The following CTNNA3 variants were observed in gnomAD, a reference collection of about 807,000 sequenced individuals.
CTNNA3 encodes catenin alpha-3.
In CTNNA3, 76 loss-of-function variants were observed where a neutral mutation model predicts 95.7. That is an observed-to-expected ratio of 0.79 (90% CI 0.66 to 0.96). The LOEUF (loss-of-function observed/expected upper bound fraction) is 0.96, where lower values mean the gene tolerates loss of function less well. Ranked by LOEUF, CTNNA3 falls within the 40% of genes least tolerant of loss-of-function variation. The probability of loss-of-function intolerance (pLI) is 0.00; values close to 1 mark genes in which losing one functional copy is unlikely to be tolerated. For missense variants in CTNNA3, 1,191 were observed against 1,089.8 expected, an observed-to-expected ratio of 1.09 and a Z score of -1.31; for synonymous variants, 431 against 374.4, an observed-to-expected ratio of 1.15 and a Z score of -1.74.
chr10:66,594,240 A>G (rs1259752603), intron 10 of CTNNA3, among the ~76,000 whole-genome samples: 1 of 151,956 alleles, frequency 6.6e-6, no homozygotes, highest in Admixed American at 6.6e-5. Context: ...ACTAATTCCT[A>G]TTACCACTCT....
At chr10:66,115,111 A>AC (rs1242509265) in intron 13 of CTNNA3, among the ~76,000 whole-genome samples, 3 of 152,160 alleles carry the variant, frequency 2.0e-5, no homozygotes, top group African/African-American at 7.2e-5. Flanking sequence ...TGTCAGCAAT[A>AC]CAAAAAGGAC....
chr10:67,096,527 T>G (rs1183571802), intron 7 of CTNNA3, among the ~76,000 whole-genome samples: 1 of 151,900 alleles, frequency 6.6e-6, no homozygotes, highest in African/African-American at 2.4e-5. Context: ...CTCCAGAGAA[T>G]TCAACAGCAT....
chr10:66,455,914 A>G (rs1281821478), intron 11 of CTNNA3, among the ~76,000 whole-genome samples: 2 of 152,220 alleles, frequency 1.3e-5, no homozygotes, highest in African/African-American at 4.8e-5. Context: ...ATTTCTGCAC[A>G]ATATGAATGT....
At chr10:66,034,822 A>T (rs994850607) in intron 15 of CTNNA3, among the ~76,000 whole-genome samples, 3 of 152,340 alleles carry the variant, frequency 2.0e-5, no homozygotes, top group East Asian at 3.9e-4. Context: ...GTGGATTAAA[A>T]ATAGAAAATG....
intron 13 of CTNNA3, among the ~76,000 whole-genome samples, chr10:66,235,037 C>T (rs1478381506): frequency 6.6e-6 from 1 of 152,304 alleles, no homozygotes; most frequent in Middle Eastern, 3.4e-3. Context: ...TCAATGACCA[C>T]GTAAGCTTCG....
chr10:67,199,039 T>A (rs1405761518), intron 6 of CTNNA3, among the ~76,000 whole-genome samples: 11 of 145,432 alleles, frequency 7.6e-5, no homozygotes, highest in African/African-American at 2.8e-4. Flanking sequence ...GTAAAAAAAA[T>A]AAGGTAAAGG....
chr10:67,524,386 ACT>A (rs1333685949), intron 4 of CTNNA3, among the ~76,000 whole-genome samples: 1 of 130,224 alleles, frequency 7.7e-6, no homozygotes, highest in South Asian at 2.9e-4. Flanking sequence ...CGACAGCGAG[ACT>A]CTGTCTCAAA....
chr10:66,203,534 A>T (rs928550065), intron 13 of CTNNA3, among the ~76,000 whole-genome samples: 42 of 151,802 alleles, frequency 2.8e-4, no homozygotes, highest in African/African-American at 9.9e-4. Context: ...TTAGTGGACA[A>T]AAAAAAAGAT....
chr10:67,016,900 A>G (rs1852693647), intron 7 of CTNNA3, among the ~76,000 whole-genome samples: 1 of 152,166 alleles, frequency 6.6e-6, no homozygotes, highest in African/African-American at 2.4e-5. Flanking sequence ...AATATTTTAT[A>G]TCCTATCAAA....
intron 7 of CTNNA3, among the ~76,000 whole-genome samples, chr10:67,122,982 A>G (rs1859541271): frequency 6.6e-6 from 1 of 152,138 alleles, no homozygotes; most frequent in African/African-American, 2.4e-5. Context: ...GGAAAAAAAT[A>G]GGGCTGCAGC....
chr10:66,736,085 C>T (rs577548941), intron 9 of CTNNA3, among the ~76,000 whole-genome samples: 1 of 152,302 alleles, frequency 6.6e-6, no homozygotes, highest in East Asian at 1.9e-4. Flanking sequence ...CAGCGCCCAA[C>T]AACGACCCAG....
At chr10:66,609,618 T>C (rs1208795911) in intron 10 of CTNNA3, among the ~76,000 whole-genome samples, 1 of 151,870 alleles carries the variant, frequency 6.6e-6, no homozygotes, top group Admixed American at 6.6e-5. Context: ...CTAGCAAGGT[T>C]GCAGAGAAAA....
At chr10:66,331,351 T>C (rs1275949233) in intron 12 of CTNNA3, among the ~76,000 whole-genome samples, 27 of 117,716 alleles carry the variant, frequency 2.3e-4, no homozygotes, top group Non-Finnish European at 4.0e-4. Flanking sequence ...TGTTTTTTTT[T>C]TTTTTTTTTT....
chr10:65,964,914 TAA>T (rs1193679773), intron 17 of CTNNA3, among the ~76,000 whole-genome samples: 1 of 152,172 alleles, frequency 6.6e-6, no homozygotes, highest in Non-Finnish European at 1.5e-5. Context: ...TGTATCTATA[TAA>T]ATGTATATAT....
chr10:66,273,929 G>C (rs1466144891), intron 13 of CTNNA3, among the ~76,000 whole-genome samples: 1 of 152,066 alleles, frequency 6.6e-6, no homozygotes, highest in African/African-American at 2.4e-5. Context: ...AGTCATTCTA[G>C]GTGGTCGTGT....
At chr10:67,436,073 A>C (rs1267020429) in intron 5 of CTNNA3, among the ~76,000 whole-genome samples, 2 of 152,156 alleles carry the variant, frequency 1.3e-5, no homozygotes, top group Non-Finnish European at 2.9e-5. Flanking sequence ...ATTTCAAACT[A>C]TACTATAAGG....
chr10:67,724,017 T>C (rs2133621565), intron 1 of CTNNA3, among the ~76,000 whole-genome samples: 1 of 152,268 alleles, frequency 6.6e-6, no homozygotes, highest in African/African-American at 2.4e-5. Flanking sequence ...CTAACGGACA[T>C]TCAACACAAT....
intron 1 of CTNNA3, among the ~76,000 whole-genome samples, chr10:67,649,160 A>G (rs1271394732): frequency 1.3e-5 from 2 of 152,192 alleles, no homozygotes; most frequent in African/African-American, 4.8e-5. Context: ...TCAAGTCAAG[A>G]TTTCTGCCAT....
chr10:66,210,434 C>A (rs920068418), intron 13 of CTNNA3, among the ~76,000 whole-genome samples: 1 of 151,758 alleles, frequency 6.6e-6, no homozygotes, highest in East Asian at 1.9e-4. Flanking sequence ...TTAATCCTGA[C>A]AGGAAAATTA....
Sources: gnomAD v4.1 joint callset for allele counts (sites outside exome capture counted in the v4.1 genomes callset) on GRCh38, gnomAD v4.1.1 for gene constraint, MANE v1.5 for transcripts, NCBI Gene and HGNC (gene_info 2026-07-23, HGNC 2026-07-21) for gene names.